RIMS2: variants seen among roughly 807,000 people sequenced by gnomAD.
The protein encoded by RIMS2 is regulating synaptic membrane exocytosis protein 2.
A neutral mutation model predicts 174.4 loss-of-function variants in RIMS2; 59 were observed. That is an observed-to-expected ratio of 0.34 (90% CI 0.27 to 0.42). The LOEUF (loss-of-function observed/expected upper bound fraction) is 0.42, where lower values mean the gene tolerates loss of function less well. Among genes scored for constraint, RIMS2 ranks in the 10% least tolerant of loss-of-function variants. RIMS2 has a pLI of 1.00. For synonymous variants in RIMS2, 606 were observed against 572.5 expected (o/e 1.06, Z -0.84); for missense variants, 1,620 against 1,666.3 (o/e 0.97, Z 0.48).
intron 19 of RIMS2, among the ~76,000 whole-genome samples, chr8:104,176,726 TATATG>T (rs2098900114): frequency 6.6e-6 from 1 of 151,634 alleles, no homozygotes. Context: ...CATATCATTA[TATATG>T]ATAGTGAAAG....
intron 2 of RIMS2, among the ~76,000 whole-genome samples, chr8:103,732,387 C>A (rs2097612024): frequency 6.6e-6 from 1 of 152,212 alleles, no homozygotes. Flanking sequence ...TGTGCTACGT[C>A]AGATCCAAAG....
At chr8:103,554,858 A>G (rs1459023105) in intron 1 of RIMS2, among the ~76,000 whole-genome samples, 6 of 152,176 alleles carry the variant, frequency 3.9e-5, no homozygotes, top group Non-Finnish European at 4.4e-5. Context: ...GCAGCCATAA[A>G]AAGAAGATCA....
chr8:103,895,807 C>G (rs73293857), intron 4 of RIMS2, among the ~76,000 whole-genome samples: 3,976 of 151,442 alleles, frequency 0.026, 267 homozygotes, highest in African/African-American at 0.091. Context: ...CTTTCTTGGA[C>G]TTAAAATGTA....
At chr8:103,910,486 G>A (rs1487110545) in intron 5 of RIMS2, 3 of 1,597,512 alleles carry the variant, frequency 1.9e-6, no homozygotes, top group Admixed American at 3.3e-5. Flanking sequence ...GTAGATACGT[G>A]TAGTAGCACA....
chr8:104,249,684 C>CA, intron 22 of RIMS2, 96 bp downstream of exon 28: 2 of 692,716 alleles, frequency 2.9e-6, no homozygotes, highest in Non-Finnish European at 5.1e-6. Flanking sequence ...TTTAGTTAAT[C>CA]AAGATTACTA....
intron 14 of RIMS2, among the ~76,000 whole-genome samples, chr8:103,951,629 C>T (rs904993189): frequency 1.3e-5 from 2 of 152,206 alleles, no homozygotes; most frequent in South Asian, 2.1e-4. Flanking sequence ...CACTGCAGTG[C>T]CCATGCTACC....
At position 103,861,093 on chromosome 8, in the gene RIMS2, A is replaced by G. The variant is rs149296745; in HGVS notation, c.699-24205A>G. Reference sequence around the variant, plus strand: ...GCCCATCACCCAAATAGTGACCATCATACAGAATAAGTAATTTTCAGGCCT... The same window carrying G: ...GCCCATCACCCAAATAGTGACCATCGTACAGAATAAGTAATTTTCAGGCCT... On this transcript the variant is annotated intron_variant, in intron 3 of 23. Coordinates refer to ENST00000504942, the Ensembl canonical transcript of RIMS2. Among the ~76,000 whole-genome samples the G allele has an allele frequency of 2.3e-3, 352 of 152,112 alleles. 2 individuals are homozygous for G. Among genetic ancestry groups the G allele is most frequent in the African/African-American group, 8.1e-3 (335 of 41,518 alleles).
At chr8:104,003,373 G>T (rs1284634207) in intron 17 of RIMS2, among the ~76,000 whole-genome samples, 1 of 151,502 alleles carries the variant, frequency 6.6e-6, no homozygotes, top group Non-Finnish European at 1.5e-5. Flanking sequence ...GAAATAGCAA[G>T]AAATGAATCT....
intron 19 of RIMS2, among the ~76,000 whole-genome samples, chr8:104,026,642 GA>G (rs2096264435): frequency 2.0e-5 from 3 of 150,202 alleles, no homozygotes; most frequent in African/African-American, 7.4e-5. Context: ...ATGGAAAGAG[GA>G]GAGGGGGAAA....
intron 13 of RIMS2, among the ~76,000 whole-genome samples, chr8:103,937,079 C>T (rs1224106642): frequency 6.7e-6 from 1 of 150,268 alleles, no homozygotes; most frequent in Non-Finnish European, 1.5e-5. Flanking sequence ...GTCTGGGTGA[C>T]AGAGCGAGAC....
chr8:104,083,819 G>A (rs893630329), intron 19 of RIMS2, among the ~76,000 whole-genome samples: 3 of 152,040 alleles, frequency 2.0e-5, no homozygotes, highest in Admixed American at 2.0e-4. Context: ...TCTTGACTGA[G>A]GCAGATATTT....
chr8:104,016,786 C>G (rs1440132966), intron 19 of RIMS2, among the ~76,000 whole-genome samples: 3 of 151,996 alleles, frequency 2.0e-5, no homozygotes, highest in African/African-American at 7.2e-5. Flanking sequence ...ATATAAGTAG[C>G]TCTATTCTTT....
intron 19 of RIMS2, among the ~76,000 whole-genome samples, chr8:104,023,357 A>G (rs1321863566): frequency 6.6e-6 from 1 of 152,120 alleles, no homozygotes; most frequent in Non-Finnish European, 1.5e-5. Flanking sequence ...AAGATTGCAA[A>G]CAGGGAACAT....
rs772182879 is a variant in RIMS2, at chr8:103,921,640, T to C, written c.2084-32T>C. The C allele has an allele frequency of 4.7e-6, 4 of 843,614 alleles. No individual in the cohort carries two copies. In the African/African-American group the frequency reaches 6.6e-5, roughly 14 times the overall value. 52.3% of individuals were successfully genotyped at this position (843,614 alleles called of 1,614,324 possible). A position where few individuals can be genotyped will look rare whatever the true frequency, so the allele number is the denominator to read the frequency against. On this transcript the variant is annotated intron_variant, in intron 9 of 23. Transcript: ENST00000504942. ...ACTAAATACTTGTGAAGAGCCATTG[T>C]TATTATTCGTTATGTGTAATTATCG...
chr8:104,249,706 A>G lies in RIMS2; in HGVS notation c.3691+118A>G, dbSNP rs2099352743. The G allele has an allele frequency of 6.4e-6, 4 of 624,178 alleles. No homozygotes were observed. In the East Asian group the frequency reaches 1.1e-4, roughly 18 times the overall value. 38.7% of individuals were successfully genotyped at this position (624,178 alleles called of 1,614,324 possible). On this transcript the variant is annotated intron_variant, in intron 22 of 23. Coordinates refer to ENST00000504942, the Ensembl canonical transcript of RIMS2. ...AATCAAGATTACTAATGGATGGTCC[A>G]TTATGACTGGTCTGGTGCTGGAGTC... is the stretch of plus-strand genomic sequence containing the variant.
At chr8:103,500,687 C>T (rs1296388958), upstream of RIMS2, 1 of 533,902 alleles carries the variant, frequency 1.9e-6, no homozygotes, top group Non-Finnish European at 3.3e-6. Context: ...AAGCGCACTC[C>T]TCAGCCCTCC....
intron 3 of RIMS2, among the ~76,000 whole-genome samples, chr8:103,809,701 G>A (rs1004785939): frequency 3.3e-5 from 5 of 152,116 alleles, no homozygotes; most frequent in Non-Finnish European, 5.9e-5. Flanking sequence ...AATTCAGACT[G>A]AGGGCACCAA....
intron 1 of RIMS2, among the ~76,000 whole-genome samples, chr8:103,510,593 GC>G (rs1347642222): frequency 6.6e-6 from 1 of 152,010 alleles, no homozygotes; most frequent in African/African-American, 2.4e-5. Context: ...CCTCCTAGAG[GC>G]CTCTTTCTGG....
intron 3 of RIMS2, among the ~76,000 whole-genome samples, chr8:103,788,510 G>T (rs2098465036): frequency 6.7e-6 from 1 of 150,374 alleles, no homozygotes; most frequent in Non-Finnish European, 1.5e-5. Context: ...TCAGCTGCAG[G>T]TCTGTTGGAA....
Sources: gnomAD v4.1 joint callset for allele counts (sites outside exome capture counted in the v4.1 genomes callset) on GRCh38, gnomAD v4.1.1 for gene constraint, MANE v1.5 for transcripts, NCBI Gene and HGNC (gene_info 2026-07-23, HGNC 2026-07-21) for gene names.